Variants in USP6NL observed in about 807,000 individuals in gnomAD.
The protein encoded by USP6NL is USP6 N-terminal-like protein.
USP6NL carries 26 observed loss-of-function variants against 61.9 expected under a neutral mutation model. The ratio of observed to expected loss-of-function variants is 0.42; its 90% CI spans 0.31 to 0.58. The LOEUF (loss-of-function observed/expected upper bound fraction) is 0.58. Among genes scored for constraint, USP6NL ranks in the 20% least tolerant of loss-of-function variants. The pLI is 0.16. For synonymous variants in USP6NL, 432 were observed against 390.1 expected (o/e 1.11, Z -1.27); for missense variants, 1,114 against 1,034.3 (o/e 1.08, Z -1.06).
In USP6NL at chr10:11,575,142, G is replaced by GT. The variant is rs1305000021; in HGVS notation, c.4+22488dup. 2.0e-5 allele frequency among the ~76,000 whole-genome samples: 3 copies of GT among 152,148 alleles called. No homozygotes were observed. Among genetic ancestry groups the GT allele is most frequent in the African/African-American group, 7.2e-5 (3 of 41,432 alleles). ...GTTCGTACTCACAAACTAAATCAAA[G>GT]TAAGAGTTCAGATGGGTCAAAGACT... On this transcript the variant is annotated intron_variant, in intron 2 of 14. Coordinates refer to ENST00000609104, the MANE Select transcript of USP6NL (RefSeq NM_014688.5). This position sits in a 1 kb window ranked among gnomAD's most constrained non-coding sequence, Gnocchi z 4.2.
Position 11,479,701 on chromosome 10 carries a change from G to A in USP6NL, c.1078+2069C>T, listed in dbSNP as rs573223283. Among the ~76,000 whole-genome samples the A allele has an allele frequency of 1.7e-4, 26 of 151,134 alleles. No homozygotes were observed. The East Asian group carries it at 4.5e-3, about 26-fold the overall frequency. On this transcript the variant is annotated intron_variant, in intron 14 of 14. Transcript: ENST00000609104. ...TGCCATTCTCCTGCCTCAACTTCCC[G>A]AGTAACTGGGACTACAGGGGCCTGC...
chr10:11,558,151 C>T (rs1349510851), intron 2 of USP6NL, among the ~76,000 whole-genome samples: 2 of 152,074 alleles, frequency 1.3e-5, no homozygotes, highest in Non-Finnish European at 2.9e-5. Flanking sequence ...CAGGTGGTAC[C>T]AAAACAGTGA....
At chr10:11,509,459 G>T in intron 6 of USP6NL, 136 bp downstream of exon 6, 2 of 684,052 alleles carry the variant, frequency 2.9e-6, no homozygotes, top group South Asian at 2.1e-5. Context: ...CTAATTCGAG[G>T]CATACTGCTA....
chr10:11,494,864 A>C (rs1833850351), intron 7 of USP6NL, among the ~76,000 whole-genome samples: 1 of 152,150 alleles, frequency 6.6e-6, no homozygotes. Context: ...AAGGCGGACT[A>C]GGAGCATGAC....
At chr10:11,527,770 T>TTCATTAAG (rs1835479319) in intron 2 of USP6NL, among the ~76,000 whole-genome samples, 1 of 152,220 alleles carries the variant, frequency 6.6e-6, no homozygotes, top group South Asian at 2.1e-4. Context: ...AAAAAGCAAG[T>TTCATTAAG]TCATTAAGGC....
In USP6NL at chr10:11,462,055, GC is replaced by G. The variant is rs2096216241; in HGVS notation, c.*385del. The G allele has an allele frequency of 5.1e-6, 1 of 194,324 alleles. No individual in the cohort carries two copies. Among genetic ancestry groups the G allele is most frequent in the South Asian group, 1.2e-4 (1 of 8,674 alleles). The allele number at this position is 194,324 out of a possible 1,614,324, so 12.0% of individuals were successfully genotyped here. On this transcript the variant is annotated 3_prime_UTR_variant, in exon 15 of 15. Coordinates refer to ENST00000609104, the MANE Select transcript of USP6NL (RefSeq NM_014688.5). ...TTAAAAGACACATACACTACATATAGCCTTAAAAATATCTATTCTACAGTTT... is the reference window on the plus strand; with the variant it reads ...TTAAAAGACACATACACTACATATAGCTTAAAAATATCTATTCTACAGTTT...
intron 1 of USP6NL, among the ~76,000 whole-genome samples, chr10:11,605,676 A>T (rs1838684248): frequency 6.6e-6 from 1 of 152,216 alleles, no homozygotes; most frequent in African/African-American, 2.4e-5. Flanking sequence ...CTGAAAAATA[A>T]CTAAACTGAA....
At position 11,553,890 on chromosome 10, in the gene USP6NL, CAA is replaced by C. The variant is rs35646401; in HGVS notation, c.5-26325_5-26324del. On this transcript the variant is annotated intron_variant, in intron 2 of 14. Transcript: ENST00000609104. This position sits in a 1 kb window ranked among gnomAD's most constrained non-coding sequence, Gnocchi z 4.8. Reference sequence around the variant, plus strand: ...TGGGCAACAGAGTAAGACTCCATCTCAAAAAAAAAAAAAAGCAAGATTAAAAC... The same window carrying C: ...TGGGCAACAGAGTAAGACTCCATCTCAAAAAAAAAAAAGCAAGATTAAAAC... 9.5e-4 allele frequency among the ~76,000 whole-genome samples: 131 copies of C among 138,048 alleles called. No individual in the cohort carries two copies. Among genetic ancestry groups the C allele is most frequent in the Middle Eastern group, 3.6e-3 (1 of 278 alleles). The allele number at this position is 138,048 out of a possible 152,430, so 90.6% of individuals were successfully genotyped here.
chr10:11,545,661 G>T (rs1197491159), intron 2 of USP6NL, among the ~76,000 whole-genome samples: 1 of 151,438 alleles, frequency 6.6e-6, no homozygotes, highest in Non-Finnish European at 1.5e-5. Flanking sequence ...AAAATTTACA[G>T]GAGAACCTGC....
intron 7 of USP6NL, among the ~76,000 whole-genome samples, chr10:11,494,615 T>C (rs962096233): frequency 3.3e-5 from 5 of 152,088 alleles, no homozygotes; most frequent in African/African-American, 1.2e-4. Flanking sequence ...ATTTATTGGA[T>C]ACAAAGCAAA....
chr10:11,571,132 G>A (rs1359376137), intron 2 of USP6NL, among the ~76,000 whole-genome samples: 1 of 148,650 alleles, frequency 6.7e-6, no homozygotes, highest in Non-Finnish European at 1.5e-5. Context: ...TGCCCAAGCT[G>A]GAGTGCAATG....
intron 2 of USP6NL, among the ~76,000 whole-genome samples, chr10:11,573,058 CAT>C (rs1837418805): frequency 2.0e-5 from 3 of 152,044 alleles, no homozygotes; most frequent in Admixed American, 2.0e-4. Flanking sequence ...ATATAATTAA[CAT>C]TGACTAAACA....
intron 3 of USP6NL, 107 bp downstream of exon 3, chr10:11,527,393 T>TTAAACAAACTGCTTCTGGAATG (rs1490144100): frequency 1.8e-5 from 17 of 967,272 alleles, no homozygotes; most frequent in Non-Finnish European, 2.5e-5. Context: ...CCCCATGAAG[T>TTAAACAAACTGCTTCTGGAATG]TAAACAAACT....
Position 11,460,543 on chromosome 10 carries a change from T to G in USP6NL, c.*1898A>C. 1 of 146,574 alleles carries G rather than the reference T, an allele frequency of 6.8e-6. No individual in the cohort carries two copies. The allele number at this position is 146,574 out of a possible 1,614,324, so 9.1% of individuals were successfully genotyped here. A position where few individuals can be genotyped will look rare whatever the true frequency, so the allele number is the denominator to read the frequency against. Reference sequence around the variant, plus strand: ...TTACTTTTAGCATGTTAAAAAACAATCACATCAAAAAAGTATACAGATAAA... The same window carrying G: ...TTACTTTTAGCATGTTAAAAAACAAGCACATCAAAAAAGTATACAGATAAA... On this transcript the variant is annotated 3_prime_UTR_variant, in exon 15 of 15. Transcript: ENST00000609104.
At chr10:11,578,126 C>A (rs1238163067) in intron 2 of USP6NL, among the ~76,000 whole-genome samples, 1 of 152,126 alleles carries the variant, frequency 6.6e-6, no homozygotes, top group Admixed American at 6.5e-5. Flanking sequence ...TGCCACCATG[C>A]ATAGCTAATT....
At chr10:11,519,979 T>G (rs1020707259) in intron 4 of USP6NL, among the ~76,000 whole-genome samples, 1 of 152,216 alleles carries the variant, frequency 6.6e-6, no homozygotes, top group Non-Finnish European at 1.5e-5. Flanking sequence ...TCAAAGGCAC[T>G]CTTTTTCTAC....
At chr10:11,584,849 A>G (rs1837910851) in intron 2 of USP6NL, among the ~76,000 whole-genome samples, 1 of 152,024 alleles carries the variant, frequency 6.6e-6, no homozygotes, top group Non-Finnish European at 1.5e-5. Flanking sequence ...GAGGTGGGAG[A>G]ATCACTTGAG....
intron 2 of USP6NL, among the ~76,000 whole-genome samples, chr10:11,578,533 G>A (rs1837633199): frequency 6.6e-6 from 1 of 152,170 alleles, no homozygotes; most frequent in Non-Finnish European, 1.5e-5. Context: ...GAGCCCAGGA[G>A]TTTGAGGCTG....
At chr10:11,542,514 T>C (rs1266716346) in intron 2 of USP6NL, among the ~76,000 whole-genome samples, 1 of 151,588 alleles carries the variant, frequency 6.6e-6, no homozygotes, top group African/African-American at 2.4e-5. Context: ...AGGCCAGGAG[T>C]TTGAGACCAG....
Sources: gnomAD v4.1 joint callset for allele counts (sites outside exome capture counted in the v4.1 genomes callset) on GRCh38, gnomAD v4.1.1 for gene constraint, Gnocchi (gnomAD v3.1) non-coding constraint, MANE v1.5 for transcripts, NCBI Gene and HGNC (gene_info 2026-07-23, HGNC 2026-07-21) for gene names.